AP1M2: variants seen among roughly 807,000 people sequenced by gnomAD.
AP1M2 encodes AP-1 complex subunit mu-2.
AP1M2 carries 41 observed loss-of-function variants against 54.6 expected under a neutral mutation model. The observed-to-expected ratio is 0.75, with a 90% confidence interval of 0.59 to 0.97. The LOEUF (loss-of-function observed/expected upper bound fraction) is 0.97. Among genes scored for constraint, AP1M2 ranks in the 50% least tolerant of loss-of-function variants. The pLI, the probability that AP1M2 is intolerant of heterozygous loss-of-function variation, is 0.00. For missense variants in AP1M2, 507 were observed against 561.2 expected (o/e 0.90, Z 0.98); for synonymous variants, 219 against 215.9 (o/e 1.01, Z -0.13).
chr19:10,573,650 CT>C (rs1012585725), intron 11 of AP1M2, among the ~76,000 whole-genome samples: 1 of 136,538 alleles, frequency 7.3e-6, no homozygotes, highest in East Asian at 2.3e-4. Flanking sequence ...ACTGTCCCTG[CT>C]TTTTTTTCCT....
At chr19:10,579,199 G>A (rs988115927) in intron 7 of AP1M2, among the ~76,000 whole-genome samples, 7 of 151,768 alleles carry the variant, frequency 4.6e-5, no homozygotes, top group East Asian at 2.0e-4. Flanking sequence ...GGCGGATCAC[G>A]AGGTCAGGAG....
intron 2 of AP1M2, 28 bp downstream of exon 2, chr19:10,583,886 C>T (rs778763080): frequency 5.1e-6 from 8 of 1,578,428 alleles, no homozygotes; most frequent in Non-Finnish European, 6.0e-6. Flanking sequence ...CCACACCCAC[C>T]TCCAGGGACA....
At chr19:10,585,340 A>AAAGAAAGG (rs1917621744) in intron 1 of AP1M2, among the ~76,000 whole-genome samples, 4 of 150,790 alleles carry the variant, frequency 2.7e-5, no homozygotes, top group Non-Finnish European at 5.9e-5. Context: ...AGAAAGAAAG[A>AAAGAAAGG]AAGAAAGAAA....
At chr19:10,579,012 C>CTTA in intron 7 of AP1M2, 49 bp from the exon 8 acceptor site, 6 of 930,704 alleles carry the variant, frequency 6.4e-6, no homozygotes, top group African/African-American at 1.7e-5. Context: ...TGTTGACTCT[C>CTTA]TTCTTTTTTT....
rs1917439357 is a variant in AP1M2, at chr19:10,581,269, C to T, written c.670G>A (p.Gly224Ser). The T allele has an allele frequency of 6.2e-7, 1 of 1,612,608 alleles. No individual in the cohort carries two copies. Among genetic ancestry groups the T allele is most frequent in the South Asian group, 1.1e-5 (1 of 91,024 alleles). Residue 224 changes from glycine to serine, a missense_variant, in exon 6 of 12, where the codon GGC becomes AGC. Physicochemically the swap from Gly to Ser is moderately conservative, Grantham distance 56 (BLOSUM62 0). Coordinates refer to ENST00000250244, the MANE Select transcript of AP1M2 (RefSeq NM_005498.5). ...GAAAGGTCCCCTAAATGCTTACGGC[C>T]AGTGAGCTCGAAGAGCACGCGGTCA... ...LNDRVLFELT[G>S]RSKNKSVELE... is the part of the protein sequence containing the mutation.
intron 3 of AP1M2, 106 bp from the exon 4 acceptor site, chr19:10,581,984 AC>A: frequency 7.7e-7 from 1 of 1,296,112 alleles, no homozygotes; most frequent in Non-Finnish European, 1.0e-6. Context: ...CACGAGGATC[AC>A]TTAAGGTCAT....
Position 10,586,923 on chromosome 19 carries a change from G to C in AP1M2, c.42+267C>G, listed in dbSNP as rs999776899. 2.0e-5 allele frequency among the ~76,000 whole-genome samples: 3 copies of C among 152,148 alleles called. No individual in the cohort carries two copies. The East Asian group carries it at 5.8e-4, about 29-fold the overall frequency. On this transcript the variant is annotated intron_variant, in intron 1 of 11. Transcript: ENST00000250244. Reference sequence around the variant, plus strand: ...TCCAGAAAGGCCACTATGCTAAGTAGTTTACACGCAGCGAGTTGTATTAAT... The same window carrying C: ...TCCAGAAAGGCCACTATGCTAAGTACTTTACACGCAGCGAGTTGTATTAAT...
At chr19:10,582,357 TAAC>T (rs1216376245) in intron 3 of AP1M2, among the ~76,000 whole-genome samples, 3 of 152,020 alleles carry the variant, frequency 2.0e-5, no homozygotes, top group Admixed American at 6.6e-5. Context: ...CCCCTATCTC[TAAC>T]AACAACAACA....
chr19:10,577,435 T>G, intron 8 of AP1M2, 79 bp from the exon 9 acceptor site: 3 of 1,223,170 alleles, frequency 2.5e-6, no homozygotes. Context: ...TTTTTTTTTT[T>G]TTTTTTTTTT....
rs1016970322 is a variant in AP1M2, at chr19:10,572,962, C to T, written c.*104G>A. On this transcript the variant is annotated 3_prime_UTR_variant, in exon 12 of 12. Coordinates refer to ENST00000250244, the MANE Select transcript of AP1M2 (RefSeq NM_005498.5). ...AGCAAGAAACTGCCAAGTCCAGGACCTGCCCTCACACAGACACACACAGCC... is the reference window on the plus strand; with the variant it reads ...AGCAAGAAACTGCCAAGTCCAGGACTTGCCCTCACACAGACACACACAGCC... 4.8e-5 allele frequency: 60 copies of T among 1,248,942 alleles called. No individual in the cohort carries two copies. In the East Asian group the frequency reaches 1.5e-3, roughly 31 times the overall value. 77.4% of individuals were successfully genotyped at this position (1,248,942 alleles called of 1,614,324 possible).
In AP1M2 at chr19:10,581,783, G is replaced by A; in HGVS notation, c.363C>T (p.Gly121=). ...YELLDELMDF[G]FPQTTDSKIL... is the part of the protein sequence containing the mutation. Reference sequence around the variant, plus strand: ...TCTTGCTGTCGGTGGTCTGCGGGAAGCCAAAGTCCATGAGCTCGTCCAGCA... The same window carrying A: ...TCTTGCTGTCGGTGGTCTGCGGGAAACCAAAGTCCATGAGCTCGTCCAGCA... Residue 121 remains glycine (G), a synonymous_variant, in exon 4 of 12, where the codon GGC becomes GGT. Coordinates refer to ENST00000250244, the MANE Select transcript of AP1M2 (RefSeq NM_005498.5). 1 of 1,613,786 alleles carries A rather than the reference G, an allele frequency of 6.2e-7. No homozygotes were observed. Among genetic ancestry groups the A allele is most frequent in the South Asian group, 1.1e-5 (1 of 91,036 alleles).
intron 9 of AP1M2, 32 bp downstream of exon 9, chr19:10,577,166 C>T (rs1398372914): frequency 1.9e-6 from 3 of 1,586,074 alleles, no homozygotes; most frequent in East Asian, 2.3e-5. Context: ...TCCCCTCCAC[C>T]CCCAGATCCC....
rs1568435562 is a variant in AP1M2, at chr19:10,587,126, C to T, written c.42+64G>A. The T allele has an allele frequency of 2.6e-6, 4 of 1,537,940 alleles. No individual in the cohort carries two copies. In the Admixed American group the frequency reaches 6.0e-5, roughly 23 times the overall value. On this transcript the variant is annotated intron_variant, in intron 1 of 11. Coordinates refer to ENST00000250244, the MANE Select transcript of AP1M2 (RefSeq NM_005498.5). ...CTTCCTGGCCCGCGCGGAGGGGTCGCCCCTGAATCCCTGGGAGCGAGACCT... is the reference window on the plus strand; with the variant it reads ...CTTCCTGGCCCGCGCGGAGGGGTCGTCCCTGAATCCCTGGGAGCGAGACCT...
At chr19:10,585,276 GAAGAAAA>G (rs1482203849) in intron 1 of AP1M2, among the ~76,000 whole-genome samples, 26 of 77,354 alleles carry the variant, frequency 3.4e-4, no homozygotes, top group African/African-American at 7.6e-4. Context: ...AAGAAAGAAA[GAAGAAAA>G]AAAGAAAGAA....
chr19:10,574,951 TG>T lies in AP1M2; in HGVS notation c.1125del (p.Ile376SerfsTer20). 2 of 1,596,736 alleles carry T rather than the reference TG, an allele frequency of 1.3e-6. No homozygotes were observed. Among genetic ancestry groups the T allele is most frequent in the South Asian group, 1.1e-5 (1 of 89,158 alleles). On this transcript the variant is annotated frameshift_variant, in exon 10 of 12. Transcript: ENST00000250244. LOFTEE classifies it high-confidence loss of function. ...VEKEEVEGRP[P>X]IGVKFEIPYF... ...TAGGGGATCTCAAACTTGACCCCGA[TG>T]GGGGGCCGGCCCTCCACCTCTTCCT...
In AP1M2 at chr19:10,587,260, G is replaced by A. The variant is rs370242993; in HGVS notation, c.-29C>T. ...GGCGGCCGAAGGACTTAGGAGTCGG[G>A]GAGGGAGCGCCGGGAGGCGATGGCG... is the stretch of plus-strand genomic sequence containing the variant. On this transcript the variant is annotated 5_prime_UTR_variant, in exon 1 of 12. Transcript: ENST00000250244. 320 of 1,559,268 alleles carry A rather than the reference G, an allele frequency of 2.1e-4. No individual in the cohort carries two copies. The highest frequency in any genetic ancestry group is 2.7e-4 in the Non-Finnish European group (307 of 1,151,886).
rs1267070565 is a variant in AP1M2, at chr19:10,584,004, G to A, written c.109C>T (p.Leu37=). Residue 37 remains leucine, a synonymous_variant, in exon 2 of 12, where the codon CTG becomes TTG. Coordinates refer to ENST00000250244, the MANE Select transcript of AP1M2 (RefSeq NM_005498.5). ...MSKIEHFMPL[L]VQREEEGALA... The stretch of plus-strand genomic sequence containing the variant: ...GCGCCTTCCTCCTCCCGCTGTACCA[G>A]CAAAGGCATGAAGTGCTCAATCTTG... The A allele has an allele frequency of 1.2e-6, 2 of 1,609,412 alleles. No homozygotes were observed. Among genetic ancestry groups the A allele is most frequent in the Admixed American group, 1.7e-5 (1 of 59,278 alleles).
chr19:10,577,863 A>G (rs1917299936), intron 8 of AP1M2, among the ~76,000 whole-genome samples: 2 of 151,596 alleles, frequency 1.3e-5, no homozygotes, highest in African/African-American at 4.8e-5. Context: ...CAGCCTCCCA[A>G]GTAGGTGGGA....
At chr19:10,585,295 G>GAAAGAAAGAAAGAA in intron 1 of AP1M2, among the ~76,000 whole-genome samples, 2 of 96,980 alleles carry the variant, frequency 2.1e-5, no homozygotes, top group Admixed American at 1.0e-4. Flanking sequence ...AAGAAAGAAA[G>GAAAGAAAGAAAGAA]AAAGAAAGAA....
Sources: allele counts gnomAD v4.1 joint callset (sites outside exome capture counted in the v4.1 genomes callset), GRCh38; gene constraint gnomAD v4.1.1; transcripts MANE v1.5; gene names NCBI Gene and HGNC (gene_info 2026-07-23, HGNC 2026-07-21).